Variants in GRAMD1C observed in about 807,000 individuals in gnomAD.
GRAMD1C encodes protein Aster-C.
A neutral mutation model predicts 97.8 loss-of-function variants in GRAMD1C; 89 were observed. The observed-to-expected ratio is 0.91, with a 90% CI of 0.77 to 1.09. The LOEUF (loss-of-function observed/expected upper bound fraction) is 1.09, where lower values mean the gene tolerates loss of function less well. Among genes scored for constraint, GRAMD1C ranks in the 50% least tolerant of loss-of-function variants. The pLI, the probability that GRAMD1C is intolerant of heterozygous loss-of-function variation, is 0.00. For synonymous variants in GRAMD1C, 256 were observed against 267.0 expected (o/e 0.96, Z 0.40); for missense variants, 740 against 766.4 (o/e 0.97, Z 0.41).
chr3:113,841,229 T>C (rs1053122501), intron 1 of GRAMD1C, among the ~76,000 whole-genome samples: 1 of 151,650 alleles, frequency 6.6e-6, no homozygotes, highest in Non-Finnish European at 1.5e-5. Context: ...AATTGGGCTG[T>C]TAAATGGAGA....
intron 6 of GRAMD1C, among the ~76,000 whole-genome samples, chr3:113,884,082 G>A (rs1011771790): frequency 1.3e-5 from 2 of 152,046 alleles, no homozygotes; most frequent in Non-Finnish European, 1.5e-5. Context: ...GGAAATATAA[G>A]ACTTGAACAC....
chr3:113,830,445 T>C (rs1419091466), intron 1 of GRAMD1C, among the ~76,000 whole-genome samples: 1 of 152,220 alleles, frequency 6.6e-6, no homozygotes, highest in Non-Finnish European at 1.5e-5. Context: ...TTTTGGTGGC[T>C]GCTTTTTGTT....
At chr3:113,878,991 G>A (rs1222547592) in intron 5 of GRAMD1C, among the ~76,000 whole-genome samples, 5 of 152,070 alleles carry the variant, frequency 3.3e-5, no homozygotes, top group African/African-American at 4.8e-5. Flanking sequence ...TGGATCACGC[G>A]GTCAGGAGTT....
chr3:113,856,940 G>A (rs1016274032), intron 2 of GRAMD1C, among the ~76,000 whole-genome samples: 2 of 151,438 alleles, frequency 1.3e-5, no homozygotes, highest in African/African-American at 4.9e-5. Context: ...CCTGTGCTCA[G>A]AGATCCTCAT....
At chr3:113,849,223 A>G (rs76311681) in intron 2 of GRAMD1C, among the ~76,000 whole-genome samples, 2,936 of 151,972 alleles carry the variant, frequency 0.019, 83 homozygotes, top group East Asian at 0.088. Flanking sequence ...CTTACCTGGG[A>G]TTTTTTAATA....
chr3:113,846,344 G>T (rs1169080874), intron 2 of GRAMD1C, among the ~76,000 whole-genome samples: 1 of 152,082 alleles, frequency 6.6e-6, no homozygotes, highest in Admixed American at 6.6e-5. Flanking sequence ...GACCTCAGGT[G>T]ATCCGCCCGC....
At chr3:113,856,551 T>G (rs1455621774) in intron 2 of GRAMD1C, among the ~76,000 whole-genome samples, 1 of 151,952 alleles carries the variant, frequency 6.6e-6, no homozygotes, top group African/African-American at 2.4e-5. Flanking sequence ...ATGTATTTAT[T>G]TATTTAGAGA....
chr3:113,920,215 C>CAAA, intron 10 of GRAMD1C: 1 of 900,428 alleles, frequency 1.1e-6, no homozygotes, highest in Non-Finnish European at 1.6e-6. Context: ...AATAGGAGAC[C>CAAA]AAAAAAAAAA....
chr3:113,924,033 C>T (rs565491442), intron 10 of GRAMD1C, among the ~76,000 whole-genome samples: 12 of 148,600 alleles, frequency 8.1e-5, no homozygotes, highest in African/African-American at 2.9e-4. Context: ...AGAAATTTAT[C>T]CATTTCTTCT....
chr3:113,849,277 T>A (rs1451240178), intron 2 of GRAMD1C, among the ~76,000 whole-genome samples: 2 of 148,264 alleles, frequency 1.3e-5, no homozygotes, highest in African/African-American at 4.9e-5. Context: ...TTTTATTTAT[T>A]TATTTATTTA....
intron 2 of GRAMD1C, among the ~76,000 whole-genome samples, chr3:113,851,350 G>C (rs1474652372): frequency 6.6e-6 from 1 of 152,016 alleles, no homozygotes; most frequent in Non-Finnish European, 1.5e-5. Context: ...TTTTAAAAAA[G>C]ATTAGAGTTC....
chr3:113,873,028 G>A (rs911622269), intron 3 of GRAMD1C, among the ~76,000 whole-genome samples: 3 of 145,694 alleles, frequency 2.1e-5, no homozygotes, highest in Non-Finnish European at 4.5e-5. Context: ...GGGAGGCGGA[G>A]CTTGCAGTGA....
chr3:113,832,232 TG>T (rs1466358786), intron 1 of GRAMD1C, among the ~76,000 whole-genome samples: 1 of 152,104 alleles, frequency 6.6e-6, no homozygotes, highest in East Asian at 1.9e-4. Flanking sequence ...TTCACCATGT[TG>T]GCCCGGTTGG....
At chr3:113,884,749 G>A (rs2107405615) in intron 6 of GRAMD1C, among the ~76,000 whole-genome samples, 1 of 151,902 alleles carries the variant, frequency 6.6e-6, no homozygotes, top group East Asian at 1.9e-4. Flanking sequence ...TGAGGCAGGA[G>A]AATGGCGTGA....
At chr3:113,886,850 C>T (rs546758821) in intron 6 of GRAMD1C, among the ~76,000 whole-genome samples, 6 of 128,324 alleles carry the variant, frequency 4.7e-5, no homozygotes, top group African/African-American at 1.2e-4. Flanking sequence ...GGCCTGATCT[C>T]GGCTCACTGC....
chr3:113,842,276 A>G (rs1160028240), intron 1 of GRAMD1C, among the ~76,000 whole-genome samples: 1 of 152,236 alleles, frequency 6.6e-6, no homozygotes. Context: ...TTTGAGACCC[A>G]ATATTGATTA....
chr3:113,878,765 G>A (rs1238288578), intron 5 of GRAMD1C, among the ~76,000 whole-genome samples: 2 of 152,094 alleles, frequency 1.3e-5, no homozygotes, highest in African/African-American at 4.8e-5. Context: ...CCTTAATATA[G>A]TTACTTATTT....
chr3:113,920,878 A>G (rs1443867540), intron 10 of GRAMD1C, among the ~76,000 whole-genome samples: 3 of 152,146 alleles, frequency 2.0e-5, no homozygotes, highest in Non-Finnish European at 4.4e-5. Flanking sequence ...ATTCTTTTAA[A>G]TCATTGTTTA....
chr3:113,913,084 G>A, intron 9 of GRAMD1C: 1 of 1,272,076 alleles, frequency 7.9e-7, no homozygotes, highest in East Asian at 5.6e-5. Flanking sequence ...ATGCAGCTGG[G>A]CATGGATTAG....
Sources: gnomAD v4.1 joint callset for allele counts (sites outside exome capture counted in the v4.1 genomes callset) on GRCh38, gnomAD v4.1.1 for gene constraint, MANE v1.5 for transcripts, NCBI Gene and HGNC (gene_info 2026-07-23, HGNC 2026-07-21) for gene names.